The following RGS7 variants were observed in gnomAD, a reference collection of about 807,000 sequenced individuals.
RGS7 encodes regulator of G-protein signaling 7.
A neutral mutation model predicts 81.1 loss-of-function variants in RGS7; 27 were observed. The ratio of observed to expected loss-of-function variants is 0.33; its 90% CI spans 0.25 to 0.46. The LOEUF (loss-of-function observed/expected upper bound fraction) is 0.46, where lower values mean the gene tolerates loss of function less well. Among genes scored for constraint, RGS7 ranks in the 20% least tolerant of loss-of-function variants. The pLI is 1.00. For synonymous variants in RGS7, 208 were observed against 207.7 expected (o/e 1.00, Z -0.01); for missense variants, 396 against 607.4 (o/e 0.65, Z 3.66).
At chr1:241,108,007 C>T (rs2065234931) in intron 2 of RGS7, among the ~76,000 whole-genome samples, 1 of 151,958 alleles carries the variant, frequency 6.6e-6, no homozygotes, top group Admixed American at 6.6e-5. Flanking sequence ...TGAGAAAGAG[C>T]CCAAGGGCCA....
chr1:240,804,468 A>C (rs1222980483), intron 15 of RGS7, among the ~76,000 whole-genome samples: 1 of 152,154 alleles, frequency 6.6e-6, no homozygotes, highest in East Asian at 1.9e-4. Context: ...CCACAAAAAA[A>C]ACTAGAATTA....
At chr1:241,258,770 A>T (rs1014800142) in intron 2 of RGS7, among the ~76,000 whole-genome samples, 1 of 152,206 alleles carries the variant, frequency 6.6e-6, no homozygotes, top group Non-Finnish European at 1.5e-5. Flanking sequence ...TCAGGAGGGA[A>T]AAACTATTCA....
chr1:241,261,047 A>G (rs1162548957), intron 2 of RGS7, among the ~76,000 whole-genome samples: 1 of 152,068 alleles, frequency 6.6e-6, no homozygotes, highest in Non-Finnish European at 1.5e-5. Context: ...CAATGTGCAC[A>G]TGTACCCTAA....
intron 9 of RGS7, among the ~76,000 whole-genome samples, chr1:240,856,393 T>C (rs1358478026): frequency 6.6e-6 from 1 of 152,198 alleles, no homozygotes; most frequent in East Asian, 1.9e-4. Context: ...GTATTTTTCA[T>C]CCTCTTCTCT....
At chr1:241,135,330 G>A (rs1192289413) in intron 2 of RGS7, among the ~76,000 whole-genome samples, 1 of 152,124 alleles carries the variant, frequency 6.6e-6, no homozygotes, top group Non-Finnish European at 1.5e-5. Context: ...GGGAGGCTGA[G>A]GCAGGAGAAT....
intron 4 of RGS7, among the ~76,000 whole-genome samples, chr1:240,973,985 T>C (rs994031625): frequency 6.6e-6 from 1 of 152,234 alleles, no homozygotes; most frequent in African/African-American, 2.4e-5. Context: ...CCATTTGTAA[T>C]GGAGTTTTAT....
rs182217204 is a variant in RGS7 at position 241,336,001 on chromosome 1, T to A, written c.78+19698A>T. ...TATGTTAGAGTAGTGTGATTATGAT[T>A]GCTTCTTCTTCTTCTTTTTCCTTTT... On this transcript the variant is annotated intron_variant, in intron 2 of 18. Transcript: ENST00000440928. Among the ~76,000 whole-genome samples, 242 of 152,316 alleles carry A rather than the reference T, an allele frequency of 1.6e-3. 11 individuals are homozygous for A. In the South Asian group the frequency reaches 0.043, roughly 27 times the overall value.
intron 3 of RGS7, among the ~76,000 whole-genome samples, chr1:240,999,530 T>C (rs937163650): frequency 6.6e-6 from 1 of 152,224 alleles, no homozygotes; most frequent in African/African-American, 2.4e-5. Context: ...CATCTCAATC[T>C]TGACCACTAT....
intron 2 of RGS7, among the ~76,000 whole-genome samples, chr1:241,281,961 G>A (rs895935928): frequency 6.6e-6 from 1 of 152,156 alleles, no homozygotes; most frequent in African/African-American, 2.4e-5. Flanking sequence ...TCTATTAGTA[G>A]TTAAGTTTTG....
chr1:241,036,259 C>A (rs2060320988), intron 3 of RGS7, among the ~76,000 whole-genome samples: 1 of 152,236 alleles, frequency 6.6e-6, no homozygotes, highest in South Asian at 2.1e-4. Flanking sequence ...ACACATAAAC[C>A]TTATGTCAGT....
At chr1:241,124,558 G>A (rs1475081715) in intron 2 of RGS7, among the ~76,000 whole-genome samples, 1 of 152,214 alleles carries the variant, frequency 6.6e-6, no homozygotes, top group Admixed American at 6.5e-5. Flanking sequence ...GCATTCAAAG[G>A]AAAACGTCTA....
At chr1:241,030,373 T>TATATATATATATATACACACACACACAC (rs374223475) in intron 3 of RGS7, among the ~76,000 whole-genome samples, 1 of 135,186 alleles carries the variant, frequency 7.4e-6, no homozygotes, top group African/African-American at 2.8e-5. Flanking sequence ...TATATATATA[T>TATATATATATATATACACACACACACAC]ACATACACAC....
chr1:241,053,040 C>G (rs913905300), intron 3 of RGS7, among the ~76,000 whole-genome samples: 1 of 152,038 alleles, frequency 6.6e-6, no homozygotes, highest in African/African-American at 2.4e-5. Context: ...AATCCCTTAT[C>G]CTAAAGCAAT....
Position 241,189,930 on chromosome 1 carries a change from C to T in RGS7, c.79-91168G>A, listed in dbSNP as rs185771618. ...GGAGATCGAGCCCACGGTGAAACCC[C>T]GTCTCTACTAAAAATACAAAAATTT... On this transcript the variant is annotated intron_variant, in intron 2 of 18. Coordinates refer to ENST00000440928, the MANE Select transcript of RGS7 (RefSeq NM_001364886.1). Among the ~76,000 whole-genome samples, 38 of 151,668 alleles carry T rather than the reference C, an allele frequency of 2.5e-4. No individual in the cohort carries two copies. In the East Asian group the frequency reaches 4.3e-3, roughly 17 times the overall value.
At chr1:241,285,968 G>A (rs963000258) in intron 2 of RGS7, among the ~76,000 whole-genome samples, 13 of 152,134 alleles carry the variant, frequency 8.5e-5, no homozygotes, top group African/African-American at 3.1e-4. Context: ...TCATGAGTGC[G>A]CATAATAACC....
At chr1:240,967,569 G>T (rs1017815515) in intron 4 of RGS7, among the ~76,000 whole-genome samples, 25 of 96,032 alleles carry the variant, frequency 2.6e-4, no homozygotes, top group African/African-American at 6.9e-4. Context: ...GCCAAGAAGT[G>T]GGGGGGGGGG....
At chr1:240,892,681 G>T (rs545432054) in intron 6 of RGS7, among the ~76,000 whole-genome samples, 1 of 152,106 alleles carries the variant, frequency 6.6e-6, no homozygotes, top group Non-Finnish European at 1.5e-5. Flanking sequence ...GCAGCTCACT[G>T]TTGAAACTGT....
chr1:241,246,626 A>C (rs1168163554), intron 2 of RGS7, among the ~76,000 whole-genome samples: 1 of 152,130 alleles, frequency 6.6e-6, no homozygotes, highest in East Asian at 1.9e-4. Context: ...TCTACCTGTG[A>C]GTAGTCCTTC....
intron 3 of RGS7, among the ~76,000 whole-genome samples, chr1:241,022,104 G>A (rs552235049): frequency 2.0e-5 from 3 of 152,164 alleles, no homozygotes; most frequent in South Asian, 4.2e-4. Flanking sequence ...TATACAAGGG[G>A]GTTACTATTC....
Sources: gnomAD v4.1 joint callset for allele counts (sites outside exome capture counted in the v4.1 genomes callset) on GRCh38, gnomAD v4.1.1 for gene constraint, MANE v1.5 for transcripts, NCBI Gene and HGNC (gene_info 2026-07-23, HGNC 2026-07-21) for gene names.